The following LRRC3B variants were observed in gnomAD, a reference collection of about 807,000 sequenced individuals.
LRRC3B encodes leucine rich repeat containing 3B.
A neutral mutation model predicts 12.8 loss-of-function variants in LRRC3B; 2 were observed. The observed-to-expected ratio is 0.16, with a 90% CI of 0.06 to 0.49. The LOEUF (loss-of-function observed/expected upper bound fraction) is 0.49. Ranked by LOEUF, LRRC3B falls within the 20% of genes least tolerant of loss-of-function variation. The pLI is 0.96. For synonymous variants in LRRC3B, 132 were observed against 122.0 expected (o/e 1.08, Z -0.54); for missense variants, 189 against 319.4 (o/e 0.59, Z 3.11).
intron 1 of LRRC3B, among the ~76,000 whole-genome samples, chr3:26,660,969 A>C (rs1487655351): frequency 6.6e-6 from 1 of 152,226 alleles, no homozygotes; most frequent in Non-Finnish European, 1.5e-5. Context: ...TATCCATGTA[A>C]GAGTTACTTT....
chr3:26,708,868 T>C (rs991847538), intron 1 of LRRC3B, among the ~76,000 whole-genome samples: 3 of 152,188 alleles, frequency 2.0e-5, no homozygotes, highest in African/African-American at 7.2e-5. Flanking sequence ...GAGAAGATCC[T>C]CTGGAAATTC....
chr3:26,641,528 C>A (rs1699031208), intron 1 of LRRC3B, among the ~76,000 whole-genome samples: 1 of 152,084 alleles, frequency 6.6e-6, no homozygotes, highest in African/African-American at 2.4e-5. Flanking sequence ...AAACATGTTC[C>A]CACGTAGCTA....
chr3:26,686,394 C>CTTAA (rs1700090081), intron 1 of LRRC3B, among the ~76,000 whole-genome samples: 1 of 152,084 alleles, frequency 6.6e-6, no homozygotes, highest in African/African-American at 2.4e-5. Context: ...ATGGTTATTT[C>CTTAA]TTAATTTTCC....
At chr3:26,687,034 G>C (rs1700102676) in intron 1 of LRRC3B, among the ~76,000 whole-genome samples, 1 of 152,136 alleles carries the variant, frequency 6.6e-6, no homozygotes, top group Non-Finnish European at 1.5e-5. Flanking sequence ...CCCAGAAGCT[G>C]GGGCAAACCC....
intron 1 of LRRC3B, among the ~76,000 whole-genome samples, chr3:26,709,277 A>G (rs1208692588): frequency 6.6e-6 from 1 of 152,174 alleles, no homozygotes; most frequent in Non-Finnish European, 1.5e-5. Flanking sequence ...ATCCAACTGA[A>G]AACCAGGCAA....
intron 1 of LRRC3B, among the ~76,000 whole-genome samples, chr3:26,697,789 G>A (rs1321913391): frequency 2.0e-5 from 3 of 152,094 alleles, no homozygotes; most frequent in African/African-American, 7.2e-5. Context: ...CTAGGTATAA[G>A]CATCTTGGGA....
chr3:26,706,995 A>G (rs1700606386), intron 1 of LRRC3B, among the ~76,000 whole-genome samples: 1 of 152,122 alleles, frequency 6.6e-6, no homozygotes, highest in East Asian at 1.9e-4. Context: ...GGGTGTTGGG[A>G]ATGTATCCGA....
intron 1 of LRRC3B, among the ~76,000 whole-genome samples, chr3:26,639,987 C>T (rs1352643276): frequency 2.0e-5 from 3 of 152,236 alleles, no homozygotes; most frequent in East Asian, 3.9e-4. Context: ...AATGTCTCTA[C>T]ACCAAATCAG....
At chr3:26,661,883 C>T (rs529228766) in intron 1 of LRRC3B, among the ~76,000 whole-genome samples, 1 of 152,294 alleles carries the variant, frequency 6.6e-6, no homozygotes, top group East Asian at 1.9e-4. Flanking sequence ...TCTGACACTT[C>T]TGTGCCTTTT....
At chr3:26,676,908 G>A (rs1699872029) in intron 1 of LRRC3B, among the ~76,000 whole-genome samples, 1 of 152,186 alleles carries the variant, frequency 6.6e-6, no homozygotes, top group Non-Finnish European at 1.5e-5. Flanking sequence ...ATAAGGAGGA[G>A]CTCCAGGCTT....
At chr3:26,625,207 G>C (rs1698598250) in intron 1 of LRRC3B, 1 of 152,334 alleles carries the variant, frequency 6.6e-6, no homozygotes. Flanking sequence ...CCTTGTACCA[G>C]TTGGGAAAAA....
At chr3:26,628,284 A>G (rs1044906512) in intron 1 of LRRC3B, among the ~76,000 whole-genome samples, 11 of 152,130 alleles carry the variant, frequency 7.2e-5, no homozygotes, top group Admixed American at 7.2e-4. Flanking sequence ...TTTATACAAT[A>G]CATAGTATGA....
chr3:26,710,228 C>G (rs1700716764), exon 2 of LRRC3B: 12 of 1,613,626 alleles, frequency 7.4e-6, no homozygotes, highest in Non-Finnish European at 1.0e-5. Flanking sequence ...CAGACCATTC[C>G]TCAATGCTGC....
At chr3:26,671,042 G>T in intron 1 of LRRC3B, among the ~76,000 whole-genome samples, 1 of 121,204 alleles carries the variant, frequency 8.3e-6, no homozygotes, top group African/African-American at 3.3e-5. Flanking sequence ...TTGAGACGGA[G>T]TCTCGCTCTG....
intron 1 of LRRC3B, among the ~76,000 whole-genome samples, chr3:26,675,703 CAATT>C (rs1429406521): frequency 1.3e-5 from 2 of 152,062 alleles, no homozygotes; most frequent in African/African-American, 2.4e-5. Flanking sequence ...AAACAGGTAT[CAATT>C]AAATAATTAC....
chr3:26,671,417 A>AGAGAG (rs1699745486), intron 1 of LRRC3B, among the ~76,000 whole-genome samples: 5 of 39,746 alleles, frequency 1.3e-4, no homozygotes, highest in East Asian at 1.7e-3. Context: ...GAGAGAGACG[A>AGAGAG]AGTCTTGCTC....
At chr3:26,671,880 CT>C (rs1699756828) in intron 1 of LRRC3B, among the ~76,000 whole-genome samples, 4 of 152,140 alleles carry the variant, frequency 2.6e-5, no homozygotes, top group Admixed American at 2.0e-4. Context: ...GGTTGCCATC[CT>C]TCCTTGACAG....
chr3:26,660,776 G>C (rs1475850970), intron 1 of LRRC3B, among the ~76,000 whole-genome samples: 1 of 152,118 alleles, frequency 6.6e-6, no homozygotes, highest in Non-Finnish European at 1.5e-5. Flanking sequence ...AGGTCAGAGA[G>C]CACTCAGTCC....
At chr3:26,646,637 C>T (rs917029216) in intron 1 of LRRC3B, among the ~76,000 whole-genome samples, 25 of 93,396 alleles carry the variant, frequency 2.7e-4, no homozygotes, top group Admixed American at 3.2e-4. Context: ...AAAAAAAAAA[C>T]GGATTTTAAC....
Sources: allele counts gnomAD v4.1 joint callset (sites outside exome capture counted in the v4.1 genomes callset), GRCh38; gene constraint gnomAD v4.1.1; transcripts MANE v1.5; gene names NCBI Gene and HGNC (gene_info 2026-07-23, HGNC 2026-07-21).